Variants in ADGRL2 observed in about 807,000 individuals in gnomAD.
ADGRL2 encodes the protein calcium-independent alpha-latrotoxin receptor 2.
ADGRL2 carries 44 observed loss-of-function variants against 157.4 expected under a neutral mutation model. That is an observed-to-expected ratio of 0.28 (90% CI 0.22 to 0.36). The LOEUF (loss-of-function observed/expected upper bound fraction) is 0.36, where lower values mean the gene tolerates loss of function less well. Among genes scored for constraint, ADGRL2 ranks in the 10% least tolerant of loss-of-function variants. The probability of loss-of-function intolerance (pLI) is 1.00; values close to 1 mark genes in which losing one functional copy is unlikely to be tolerated. For synonymous variants in ADGRL2, 585 were observed against 624.7 expected, an observed-to-expected ratio of 0.94 and a Z score of 0.95; for missense variants, 1,510 against 1,768.9, an observed-to-expected ratio of 0.85 and a Z score of 2.63.
rs193170008 is a variant in ADGRL2, at chr1:81,632,270, A to G, written c.-143+51290A>G. 3.9e-5 allele frequency among the ~76,000 whole-genome samples: 6 copies of G among 152,326 alleles called. No individual in the cohort carries two copies. In the East Asian group the frequency reaches 1.2e-3, roughly 29 times the overall value. ...TAAAAGTTATGAACAAAAATAAAAT[A>G]AAAGGATAAAGAGCGACAGAGTCAG... is the stretch of plus-strand genomic sequence containing the variant. On this transcript the variant is annotated intron_variant, in intron 3 of 24. Coordinates refer to the ADGRL2 transcript ENST00000370721.
At chr1:81,626,306 C>T (rs1435299791) in intron 3 of ADGRL2, among the ~76,000 whole-genome samples, 2 of 152,092 alleles carry the variant, frequency 1.3e-5, no homozygotes, top group Admixed American at 6.5e-5. Context: ...TGAACTCTAT[C>T]CCTTTTTATT....
chr1:81,823,419 C>A (rs72717737), intron 1 of ADGRL2, among the ~76,000 whole-genome samples: 11,817 of 143,512 alleles, frequency 0.082, 530 homozygotes, highest in South Asian at 0.18. Context: ...CCCTCCTTCC[C>A]CCTACCTCTG....
chr1:81,312,706 T>C (rs1004891000), intron 1 of ADGRL2, among the ~76,000 whole-genome samples: 3 of 152,202 alleles, frequency 2.0e-5, no homozygotes, highest in Admixed American at 1.3e-4. Context: ...AGCCATTGTA[T>C]ACTGGCTTCT....
rs113426942 is a variant in ADGRL2 at position 81,382,891 on chromosome 1, A to T, written c.-301-62145A>T. On this transcript the variant is annotated intron_variant, in intron 1 of 24. Transcript: ENST00000370721. The stretch of plus-strand genomic sequence containing the variant: ...TGAGGATTTCAACTAACATTCGGGA[A>T]TGTTTCTATTTATCAAAGAAAACTT... Among the ~76,000 whole-genome samples, 444 of 152,318 alleles carry T rather than the reference A, an allele frequency of 2.9e-3. 6 individuals carry two copies. Among genetic ancestry groups the T allele is most frequent in the African/African-American group, 0.01 (425 of 41,580 alleles).
At chr1:81,317,774 ATATT>A (rs1248380828) in intron 1 of ADGRL2, among the ~76,000 whole-genome samples, 2 of 152,188 alleles carry the variant, frequency 1.3e-5, no homozygotes, top group African/African-American at 2.4e-5. Context: ...GTCTGTCTGC[ATATT>A]TATTTATGTC....
At chr1:81,929,158 T>C (rs554900750) in intron 3 of ADGRL2, among the ~76,000 whole-genome samples, 1 of 152,320 alleles carries the variant, frequency 6.6e-6, no homozygotes, top group East Asian at 1.9e-4. Flanking sequence ...TTTGCATTTT[T>C]AATCTTCCTT....
At chr1:81,401,712 C>T (rs2076758939) in intron 1 of ADGRL2, among the ~76,000 whole-genome samples, 1 of 152,112 alleles carries the variant, frequency 6.6e-6, no homozygotes, top group Non-Finnish European at 1.5e-5. Context: ...CAGGAAATGT[C>T]TTAGTTGTCC....
At chr1:81,375,312 C>T (rs2076230728) in intron 1 of ADGRL2, among the ~76,000 whole-genome samples, 1 of 152,104 alleles carries the variant, frequency 6.6e-6, no homozygotes, top group African/African-American at 2.4e-5. Flanking sequence ...AAAATTTTGC[C>T]ATTCAAAAGC....
intron 3 of ADGRL2, among the ~76,000 whole-genome samples, chr1:81,929,875 G>A (rs1382234840): frequency 1.2e-4 from 18 of 152,154 alleles, no homozygotes. Flanking sequence ...TCCAGGTATT[G>A]TGCAGAGAGT....
intron 23 of ADGRL2, 93 bp from the exon 24 acceptor site, chr1:81,990,298 C>T: frequency 6.6e-7 from 1 of 1,522,396 alleles, no homozygotes; most frequent in Non-Finnish European, 8.8e-7. Flanking sequence ...CAACTTTGTC[C>T]TGAACGACAT....
chr1:81,868,057 T>TGGG (rs1236343211), intron 2 of ADGRL2, among the ~76,000 whole-genome samples: 1 of 109,518 alleles, frequency 9.1e-6, no homozygotes, highest in Non-Finnish European at 1.9e-5. Flanking sequence ...GCTGTGTGTG[T>TGGG]GTGGTGTGTG....
intron 1 of ADGRL2, among the ~76,000 whole-genome samples, chr1:81,339,092 A>T (rs1021327205): frequency 2.0e-5 from 3 of 152,128 alleles, no homozygotes; most frequent in Admixed American, 6.5e-5. Flanking sequence ...AGATTCCCAT[A>T]GTGTCTTGTG....
At chr1:81,963,368 A>T (rs948517393) in intron 11 of ADGRL2, among the ~76,000 whole-genome samples, 2 of 151,924 alleles carry the variant, frequency 1.3e-5, no homozygotes, top group African/African-American at 4.8e-5. Context: ...TTTTTCCTTT[A>T]TACCTTTTAT....
intron 2 of ADGRL2, among the ~76,000 whole-genome samples, chr1:81,849,828 C>A (rs2150478135): frequency 6.6e-6 from 1 of 151,982 alleles, no homozygotes; most frequent in South Asian, 2.1e-4. Flanking sequence ...ATCTTCGATA[C>A]ACAGTTTGAC....
At chr1:81,881,269 G>A (rs907360597) in intron 2 of ADGRL2, among the ~76,000 whole-genome samples, 2 of 152,094 alleles carry the variant, frequency 1.3e-5, no homozygotes, top group Admixed American at 6.6e-5. Flanking sequence ...TCCACCTCCC[G>A]GGCTCACGCC....
At chr1:81,922,534 A>G (rs1401077964) in intron 3 of ADGRL2, among the ~76,000 whole-genome samples, 3 of 152,212 alleles carry the variant, frequency 2.0e-5, no homozygotes, top group Non-Finnish European at 4.4e-5. Flanking sequence ...CAATCTTTTT[A>G]TAGTAGAGAA....
At chr1:81,403,237 T>C (rs1557662553) in intron 1 of ADGRL2, among the ~76,000 whole-genome samples, 1 of 45,884 alleles carries the variant, frequency 2.2e-5, no homozygotes, top group Non-Finnish European at 9.3e-5. Context: ...TGTTTTTTTT[T>C]TGTTGTTGTT....
chr1:81,418,724 A>G (rs866831580), intron 1 of ADGRL2, among the ~76,000 whole-genome samples: 1 of 152,224 alleles, frequency 6.6e-6, no homozygotes, highest in East Asian at 1.9e-4. Flanking sequence ...TCTGCACTCC[A>G]GCCTGGACGA....
chr1:81,990,170 C>G (rs745447208), intron 23 of ADGRL2: 156 of 985,172 alleles, frequency 1.6e-4, no homozygotes, highest in Non-Finnish European at 1.7e-4. Flanking sequence ...ATGCCATTTT[C>G]TCTCCCTGGA....
Sources: allele counts gnomAD v4.1 joint callset (sites outside exome capture counted in the v4.1 genomes callset), GRCh38; gene constraint gnomAD v4.1.1; transcripts MANE v1.5; gene names NCBI Gene and HGNC (gene_info 2026-07-23, HGNC 2026-07-21).